Variants in PTPMT1 observed in about 807,000 individuals in gnomAD.
PTPMT1 encodes protein tyrosine phosphatase mitochondrial 1.
PTPMT1 carries 12 observed loss-of-function variants against 17.8 expected under a neutral mutation model. The observed-to-expected ratio is 0.67, with a 90% CI of 0.43 to 1.09. PTPMT1 has a LOEUF of 1.09. Ranked by LOEUF, PTPMT1 falls within the 50% of genes least tolerant of loss-of-function variation. PTPMT1 has a pLI of 0.00. For missense variants in PTPMT1, 262 were observed against 266.0 expected (o/e 0.99, Z 0.10); for synonymous variants, 132 against 116.8 (o/e 1.13, Z -0.84).
rs775355395 is a variant in PTPMT1, at chr11:47,573,449, G to A, written c.*1820G>A. On this transcript the variant is annotated 3_prime_UTR_variant, in exon 4 of 4. Coordinates refer to ENST00000326674, the MANE Select transcript of PTPMT1 (RefSeq NM_175732.3). The surrounding 1 kb of genome is among the most constrained non-coding windows in gnomAD (Gnocchi z 4.1). Reference sequence around the variant, plus strand: ...CACCTACGCGATAATAAATGACTGCGTTGGAGAGGGTATCTTGCAGTGTCT... The same window carrying A: ...CACCTACGCGATAATAAATGACTGCATTGGAGAGGGTATCTTGCAGTGTCT... 5 of 1,614,204 alleles carry A rather than the reference G, an allele frequency of 3.1e-6. No homozygotes were observed. The highest frequency in any genetic ancestry group is 1.3e-5 in the African/African-American group (1 of 75,060).
In PTPMT1 at chr11:47,565,937, T is replaced by G. The variant is rs758900381; in HGVS notation, c.206T>G (p.Ile69Ser). 8 of 1,610,044 alleles carry G rather than the reference T, an allele frequency of 5.0e-6. No individual in the cohort carries two copies. The highest frequency in any genetic ancestry group is 6.8e-6 in the Non-Finnish European group (8 of 1,178,542). Residue 69 changes from isoleucine to serine, a missense_variant, in exon 2 of 4, where the codon ATC becomes AGC. Transcript: ENST00000326674. Reference protein sequence around the residue: ...LVQDENVRGVITMNEEYETRF... With the variant: ...LVQDENVRGVSTMNEEYETRF... ...CAGGACGAGAACGTGCGCGGGGTGA[T>G]CACCATGAACGAGGAGTACGAGACG... is the stretch of plus-strand genomic sequence containing the variant.
chr11:47,567,883 T>C (rs1182437165), intron 2 of PTPMT1, among the ~76,000 whole-genome samples: 1 of 152,032 alleles, frequency 6.6e-6, no homozygotes, highest in Non-Finnish European at 1.5e-5. Context: ...AGTGATAACA[T>C]TGCACTAATG....
At position 47,572,747 on chromosome 11, in the gene PTPMT1, A is replaced by G; in HGVS notation, c.*1118A>G. 1.6e-6 allele frequency: 1 copy of G among 640,856 alleles called. No individual in the cohort carries two copies. The highest frequency in any genetic ancestry group is 2.7e-6 in the Non-Finnish European group (1 of 376,708). 39.7% of individuals were successfully genotyped at this position (640,856 alleles called of 1,614,324 possible). A position where few individuals can be genotyped will look rare whatever the true frequency, so the allele number is the denominator to read the frequency against. ...TGGCCTACTGTCAGTTCAAGCAACCAGCTGAGCAGCAGCAGTCTAAAAAGC... is the reference window on the plus strand; with the variant it reads ...TGGCCTACTGTCAGTTCAAGCAACCGGCTGAGCAGCAGCAGTCTAAAAAGC... On this transcript the variant is annotated 3_prime_UTR_variant, in exon 4 of 4. Coordinates refer to ENST00000326674, the MANE Select transcript of PTPMT1 (RefSeq NM_175732.3).
chr11:47,571,921 C>A lies in PTPMT1; in HGVS notation c.*292C>A. The A allele has an allele frequency of 4.3e-6, 1 of 230,642 alleles. No homozygotes were observed. The highest frequency in any genetic ancestry group is 9.8e-5 in the South Asian group (1 of 10,184). The allele number at this position is 230,642 out of a possible 1,614,324, so 14.3% of individuals were successfully genotyped here. Reference sequence around the variant, plus strand: ...TATTTTAACAAAAATCTATTATGTACCTAATATTGTGCCTAATAATATTTA... The same window carrying A: ...TATTTTAACAAAAATCTATTATGTAACTAATATTGTGCCTAATAATATTTA... On this transcript the variant is annotated 3_prime_UTR_variant, in exon 4 of 4. Transcript: ENST00000326674.
In PTPMT1 at chr11:47,571,800, G is replaced by A. The variant is rs1345422220; in HGVS notation, c.*171G>A. The A allele has an allele frequency of 1.6e-6, 1 of 625,204 alleles. No individual in the cohort carries two copies. 38.7% of individuals were successfully genotyped at this position (625,204 alleles called of 1,614,324 possible). A position where few individuals can be genotyped will look rare whatever the true frequency, so the allele number is the denominator to read the frequency against. On this transcript the variant is annotated 3_prime_UTR_variant, in exon 4 of 4. Transcript: ENST00000326674. The stretch of plus-strand genomic sequence containing the variant: ...TTTGTTTTCTTGAAATAACACTGTT[G>A]TGTGGCTAGAAAGGAAAAGATTTAG...
chr11:47,568,983 G>T lies in PTPMT1; in HGVS notation c.256-717G>T, dbSNP rs1035842970. 4.0e-5 allele frequency among the ~76,000 whole-genome samples: 6 copies of T among 151,708 alleles called. No homozygotes were observed. The East Asian group carries it at 1.2e-3, about 30-fold the overall frequency. ...TGGGATTACAGGCGTGAGCCACCAT[G>T]CCCGGCCAAAATAAAATGTTAAGAC... On this transcript the variant is annotated intron_variant, in intron 2 of 3. Transcript: ENST00000326674.
At chr11:47,566,325 A>G (rs61895145) in intron 2 of PTPMT1, among the ~76,000 whole-genome samples, 8 of 152,060 alleles carry the variant, frequency 5.3e-5, no homozygotes, top group Non-Finnish European at 7.4e-5. Flanking sequence ...CCCTACAAAA[A>G]TACAAAAAGT....
In PTPMT1 at chr11:47,571,674, G is replaced by C; in HGVS notation, c.*45G>C. 6.3e-7 allele frequency: 1 copy of C among 1,584,530 alleles called. No individual in the cohort carries two copies. The highest frequency in any genetic ancestry group is 8.6e-7 in the Non-Finnish European group (1 of 1,160,894). ...ACTCAAGACACTCCTGCTTGATACA[G>C]AACAAAAAGAGCTTAACAGGACCAA... is the stretch of plus-strand genomic sequence containing the variant. On this transcript the variant is annotated 3_prime_UTR_variant, in exon 4 of 4. Coordinates refer to ENST00000326674, the MANE Select transcript of PTPMT1 (RefSeq NM_175732.3).
chr11:47,571,723 G>GT lies in PTPMT1; in HGVS notation c.*95dup. On this transcript the variant is annotated 3_prime_UTR_variant, in exon 4 of 4. Transcript: ENST00000326674. ...AACAGGGCTTAAGCCCAGACTTGAC[G>GT]TAACAGAAATGTGCCAATAGGTAAT... 8.2e-7 allele frequency: 1 copy of GT among 1,223,844 alleles called. No homozygotes were observed. Among genetic ancestry groups the GT allele is most frequent in the Non-Finnish European group, 1.2e-6 (1 of 864,896 alleles). The allele number at this position is 1,223,844 out of a possible 1,614,324, so 75.8% of individuals were successfully genotyped here. A position where few individuals can be genotyped will look rare whatever the true frequency, so the allele number is the denominator to read the frequency against.
chr11:47,565,820 GC>G, intron 1 of PTPMT1, 24 bp downstream of exon 1: 1 of 1,585,936 alleles, frequency 6.3e-7, no homozygotes, highest in Non-Finnish European at 8.6e-7. Context: ...GGGAGCCCGG[GC>G]CCCTGCCCCG....
Position 47,569,809 on chromosome 11 carries a change from A to G in PTPMT1, c.365A>G (p.Gln122Arg). 1.2e-6 allele frequency: 2 copies of G among 1,614,144 alleles called. No individual in the cohort carries two copies. The highest frequency in any genetic ancestry group is 1.7e-6 in the Non-Finnish European group (2 of 1,180,032). Residue 122 changes from glutamine to arginine, a missense_variant, in exon 3 of 4, where the codon CAG becomes CGG. By Grantham distance (43) the Gln-to-Arg change is conservative. Coordinates refer to ENST00000326674, the MANE Select transcript of PTPMT1 (RefSeq NM_175732.3). ...QKGVQFALKY[Q>R]SLGQCVYVHC... ...GGAGTCCAATTTGCTCTCAAGTACCAGTCGCTGGGCCAGTGTGTTTACGTG... is the reference window on the plus strand; with the variant it reads ...GGAGTCCAATTTGCTCTCAAGTACCGGTCGCTGGGCCAGTGTGTTTACGTG...
At chr11:47,569,594 A>AC in intron 2 of PTPMT1, 106 bp from the exon 3 acceptor site, 3 of 812,852 alleles carry the variant, frequency 3.7e-6, no homozygotes, top group Non-Finnish European at 5.8e-6. Flanking sequence ...ATTGTAGTAA[A>AC]CCCTGAAACT....
chr11:47,572,696 T>C lies in PTPMT1; in HGVS notation c.*1067T>C. The C allele has an allele frequency of 3.6e-6, 2 of 555,482 alleles. No individual in the cohort carries two copies. The highest frequency in any genetic ancestry group is 2.4e-5 in the South Asian group (1 of 41,596). The allele number at this position is 555,482 out of a possible 1,614,324, so 34.4% of individuals were successfully genotyped here. A position where few individuals can be genotyped will look rare whatever the true frequency, so the allele number is the denominator to read the frequency against. ...AAGCAAGCTGTGGTGAGGCACAGGA[T>C]GACTAGGGAATGGCAGAGAACAGGC... On this transcript the variant is annotated 3_prime_UTR_variant, in exon 4 of 4. Coordinates refer to ENST00000326674, the MANE Select transcript of PTPMT1 (RefSeq NM_175732.3).
rs749284591 is a variant in PTPMT1 at position 47,571,551 on chromosome 11, G to A, written c.528G>A (p.Leu176=). Residue 176 remains leucine, a synonymous_variant, in exon 4 of 4, where the codon CTG becomes CTA. Transcript: ENST00000326674. ...RSYIHIRPGQ[L]DVLKEFHKQI... is the part of the protein sequence containing the mutation. ...ACATCCACATCAGGCCTGGCCAGCTGGATGTTCTTAAAGAGTTCCACAAGC... is the reference window on the plus strand; with the variant it reads ...ACATCCACATCAGGCCTGGCCAGCTAGATGTTCTTAAAGAGTTCCACAAGC... 2 of 1,613,934 alleles carry A rather than the reference G, an allele frequency of 1.2e-6. No individual in the cohort carries two copies. The highest frequency in any genetic ancestry group is 1.3e-5 in the African/African-American group (1 of 74,976).
chr11:47,570,734 G>A (rs995803953), intron 3 of PTPMT1, among the ~76,000 whole-genome samples: 1 of 152,106 alleles, frequency 6.6e-6, no homozygotes, highest in Non-Finnish European at 1.5e-5. Context: ...AAAATATTTA[G>A]GAGAAACAAA....
In PTPMT1 at chr11:47,571,482, G is replaced by C. The variant is rs1249966211; in HGVS notation, c.459G>C (p.Trp153Cys). 5 of 1,613,664 alleles carry C rather than the reference G, an allele frequency of 3.1e-6. No homozygotes were observed. Among genetic ancestry groups the C allele is most frequent in the Non-Finnish European group, 4.2e-6 (5 of 1,179,916 alleles). Residue 153 changes from tryptophan (W) to cysteine (C), a missense_variant, in exon 4 of 4, where the codon TGG becomes TGC. Physicochemically the swap from Trp to Cys is radical, Grantham distance 215 (BLOSUM62 -2). Coordinates refer to ENST00000326674, the MANE Select transcript of PTPMT1 (RefSeq NM_175732.3). ...ACCCTGTACTTCAGGTGCACAAATG[G>C]AGTCCAGAGGAGGCTGTAAGAGCCA... ...VAAYLIQVHK[W>C]SPEEAVRAIA...
At chr11:47,569,262 T>G (rs1394784934) in intron 2 of PTPMT1, among the ~76,000 whole-genome samples, 1 of 151,810 alleles carries the variant, frequency 6.6e-6, no homozygotes, top group East Asian at 2.0e-4. Flanking sequence ...GGCGCGTGCC[T>G]GTAGTCCCAG....
chr11:47,571,722 C>G lies in PTPMT1; in HGVS notation c.*93C>G. On this transcript the variant is annotated 3_prime_UTR_variant, in exon 4 of 4. Transcript: ENST00000326674. The stretch of plus-strand genomic sequence containing the variant: ...CAACAGGGCTTAAGCCCAGACTTGA[C>G]GTAACAGAAATGTGCCAATAGGTAA... 8.1e-7 allele frequency: 1 copy of G among 1,231,524 alleles called. No individual in the cohort carries two copies. The highest frequency in any genetic ancestry group is 1.1e-6 in the Non-Finnish European group (1 of 871,796). 76.3% of individuals were successfully genotyped at this position (1,231,524 alleles called of 1,614,324 possible).
chr11:47,568,200 A>G (rs556830197), intron 2 of PTPMT1, among the ~76,000 whole-genome samples: 24 of 151,842 alleles, frequency 1.6e-4, no homozygotes, highest in Non-Finnish European at 3.2e-4. Context: ...GATTACAGGC[A>G]TGAGCCACCA....
Sources: allele counts gnomAD v4.1 joint callset (sites outside exome capture counted in the v4.1 genomes callset), GRCh38; gene constraint gnomAD v4.1.1; non-coding constraint Gnocchi (gnomAD v3.1); transcripts MANE v1.5; gene names NCBI Gene and HGNC (gene_info 2026-07-23, HGNC 2026-07-21).